FGF14: variants seen among roughly 807,000 people sequenced by gnomAD.
The protein encoded by FGF14 is fibroblast growth factor 14, also known as fibroblast growth factor homologous factor 4.
Under a neutral mutation model 25.5 loss-of-function variants are expected in FGF14, and 5 were observed. The observed-to-expected ratio is 0.20, with a 90% CI of 0.10 to 0.41. The LOEUF is 0.41. FGF14 is among the 10% of genes least tolerant of loss of function. The pLI, the probability that FGF14 is intolerant of heterozygous loss-of-function variation, is 1.00. For missense variants in FGF14, 222 were observed against 320.1 expected (o/e 0.69, Z 2.34); for synonymous variants, 138 against 118.3 (o/e 1.17, Z -1.08).
In FGF14 at chr13:102,316,655, T is replaced by C. The variant is rs187394314; in HGVS notation, c.208+84816A>G. ...GTATATGTGTGTGTGTATATATATA[T>C]GCATATAAAATATTACAAATATTGG... On this transcript the variant is annotated intron_variant, in intron 1 of 4. Transcript: ENST00000376131. Among the ~76,000 whole-genome samples the C allele has an allele frequency of 1.4e-3, 209 of 152,300 alleles. 5 individuals carry two copies. Among genetic ancestry groups the C allele is most frequent in the Non-Finnish European group, 2.6e-4 (18 of 68,020 alleles).
chr13:102,336,056 A>C (rs913882618), intron 1 of FGF14, among the ~76,000 whole-genome samples: 3 of 152,152 alleles, frequency 2.0e-5, no homozygotes, highest in African/African-American at 7.2e-5. Context: ...AGGCCAATTA[A>C]GAACCCTACA....
At chr13:102,229,553 C>T (rs748228514) in intron 1 of FGF14, among the ~76,000 whole-genome samples, 1 of 152,152 alleles carries the variant, frequency 6.6e-6, no homozygotes, top group South Asian at 2.1e-4. Flanking sequence ...ATTTTCATGG[C>T]AGACAACTGC....
intron 1 of FGF14, among the ~76,000 whole-genome samples, chr13:101,987,764 A>T (rs1019943213): frequency 5.9e-5 from 9 of 152,082 alleles, no homozygotes; most frequent in Non-Finnish European, 1.3e-4. Context: ...TTTTTTTAAG[A>T]AGTCATTAAT....
chr13:101,937,850 A>C (rs1372640691), intron 1 of FGF14, among the ~76,000 whole-genome samples: 1 of 152,118 alleles, frequency 6.6e-6, no homozygotes, highest in African/African-American at 2.4e-5. Flanking sequence ...TGACTGCCTC[A>C]GCCTCCAAAA....
chr13:101,862,283 T>C (rs778936095), intron 3 of FGF14, among the ~76,000 whole-genome samples: 1 of 152,116 alleles, frequency 6.6e-6, no homozygotes, highest in Non-Finnish European at 1.5e-5. Context: ...TTTTCTCTTT[T>C]CTTTCCACAA....
intron 1 of FGF14, among the ~76,000 whole-genome samples, chr13:102,111,468 A>T (rs1273664308): frequency 6.6e-6 from 1 of 152,202 alleles, no homozygotes. Context: ...TAATCCCAAC[A>T]CTTTGGGAGG....
intron 3 of FGF14, among the ~76,000 whole-genome samples, chr13:101,821,008 CAT>C (rs1196645033): frequency 6.6e-4 from 97 of 147,102 alleles, no homozygotes; most frequent in African/African-American, 2.3e-3. Context: ...AGTGCAGTGG[CAT>C]GATCTCGGCT....
intron 1 of FGF14, among the ~76,000 whole-genome samples, chr13:102,261,288 T>A (rs1950766920): frequency 6.6e-6 from 1 of 152,244 alleles, no homozygotes; most frequent in African/African-American, 2.4e-5. Flanking sequence ...TCTTGGCTGT[T>A]ACAATAAGTT....
intron 1 of FGF14, among the ~76,000 whole-genome samples, chr13:102,012,367 T>C (rs1253254460): frequency 6.6e-6 from 1 of 152,192 alleles, no homozygotes; most frequent in Non-Finnish European, 1.5e-5. Context: ...TGACAAGTAG[T>C]TACTCTCTGG....
At chr13:101,728,251 A>G (rs1385481867) in intron 3 of FGF14, among the ~76,000 whole-genome samples, 2 of 152,184 alleles carry the variant, frequency 1.3e-5, no homozygotes, top group Non-Finnish European at 2.9e-5. Context: ...CAAGACAAAG[A>G]TGACAGTTAC....
intron 1 of FGF14, among the ~76,000 whole-genome samples, chr13:102,005,032 G>C (rs1480554370): frequency 6.6e-6 from 1 of 152,158 alleles, no homozygotes; most frequent in African/African-American, 2.4e-5. Flanking sequence ...TAACACACAG[G>C]CATTTATGTG....
chr13:101,908,446 C>A (rs1292939443), intron 1 of FGF14, among the ~76,000 whole-genome samples: 1 of 152,102 alleles, frequency 6.6e-6, no homozygotes, highest in Non-Finnish European at 1.5e-5. Context: ...TGTAGTGTAC[C>A]TACCACATGG....
chr13:102,029,505 A>C (rs2041103553), intron 1 of FGF14, among the ~76,000 whole-genome samples: 1 of 152,076 alleles, frequency 6.6e-6, no homozygotes. Flanking sequence ...TCATGTGTGT[A>C]GATCAACATG....
At chr13:102,249,132 C>T (rs1338786716) in intron 1 of FGF14, among the ~76,000 whole-genome samples, 1 of 152,016 alleles carries the variant, frequency 6.6e-6, no homozygotes, top group Non-Finnish European at 1.5e-5. Flanking sequence ...GAAGTCACGG[C>T]CTGAAGATGA....
At chr13:102,269,055 T>A (rs2053127109) in intron 1 of FGF14, among the ~76,000 whole-genome samples, 1 of 152,174 alleles carries the variant, frequency 6.6e-6, no homozygotes, top group African/African-American at 2.4e-5. Context: ...GAGAAAAACA[T>A]AATTCAAGCT....
chr13:102,112,277 T>C (rs2045267537), intron 1 of FGF14, among the ~76,000 whole-genome samples: 1 of 152,168 alleles, frequency 6.6e-6, no homozygotes, highest in African/African-American at 2.4e-5. Context: ...TGGTCAGGAC[T>C]GCACCGTGCT....
intron 1 of FGF14, among the ~76,000 whole-genome samples, chr13:102,128,416 G>A (rs7322591): frequency 0.031 from 4,662 of 152,252 alleles, 265 homozygotes; most frequent in African/African-American, 0.11. Context: ...GGAGGTCCCC[G>A]CGGTGTTACT....
chr13:101,945,043 C>T (rs997908912), intron 1 of FGF14, among the ~76,000 whole-genome samples: 7 of 152,252 alleles, frequency 4.6e-5, no homozygotes, highest in South Asian at 2.1e-4. Flanking sequence ...AGGCCAGGCG[C>T]GGTGGCTCAC....
chr13:102,321,405 AT>A (rs1267758424), intron 1 of FGF14, among the ~76,000 whole-genome samples: 1 of 152,204 alleles, frequency 6.6e-6, no homozygotes, highest in Non-Finnish European at 1.5e-5. Context: ...AAAAATAAGT[AT>A]TTAACAATGC....
Sources: gnomAD v4.1 joint callset for allele counts (sites outside exome capture counted in the v4.1 genomes callset) on GRCh38, gnomAD v4.1.1 for gene constraint, MANE v1.5 for transcripts, NCBI Gene and HGNC (gene_info 2026-07-23, HGNC 2026-07-21) for gene names.